The following LHFPL3 variants were observed in gnomAD, a reference collection of about 807,000 sequenced individuals.
The protein encoded by LHFPL3 is LHFPL tetraspan subfamily member 3 protein.
In LHFPL3, 5 loss-of-function variants were observed where a neutral mutation model predicts 19.3. The observed-to-expected ratio is 0.26, with a 90% CI of 0.14 to 0.54. The LOEUF is 0.54. Among genes scored for constraint, LHFPL3 ranks in the 20% least tolerant of loss-of-function variants. LHFPL3 has a pLI of 0.94. For synonymous variants in LHFPL3, 133 were observed against 126.2 expected, an observed-to-expected ratio of 1.05 and a Z score of -0.36; for missense variants, 249 against 307.4, an observed-to-expected ratio of 0.81 and a Z score of 1.42.
At chr7:104,527,068 C>T (rs990580471) in intron 1 of LHFPL3, among the ~76,000 whole-genome samples, 2 of 152,164 alleles carry the variant, frequency 1.3e-5, no homozygotes, top group Non-Finnish European at 2.9e-5. Flanking sequence ...GAAGTGAGAG[C>T]CACACAGAGG....
intron 2 of LHFPL3, among the ~76,000 whole-genome samples, chr7:104,851,432 T>G (rs889973325): frequency 1.3e-5 from 2 of 152,098 alleles, no homozygotes; most frequent in Non-Finnish European, 2.9e-5. Flanking sequence ...GAGTTGGAGA[T>G]TTAGTGATGC....
intron 1 of LHFPL3, among the ~76,000 whole-genome samples, chr7:104,423,578 T>C (rs532880460): frequency 3.3e-4 from 51 of 152,346 alleles, no homozygotes; most frequent in African/African-American, 1.2e-3. Context: ...GGAGGATCAC[T>C]TGAGCCCAGG....
At chr7:104,398,123 C>T (rs941156116) in intron 1 of LHFPL3, among the ~76,000 whole-genome samples, 1 of 151,116 alleles carries the variant, frequency 6.6e-6, no homozygotes, top group Non-Finnish European at 1.5e-5. Context: ...AGAAAGATCA[C>T]ACCTACGTAA....
chr7:104,658,555 C>T (rs988733828), intron 1 of LHFPL3, among the ~76,000 whole-genome samples: 2 of 152,184 alleles, frequency 1.3e-5, no homozygotes, highest in Non-Finnish European at 2.9e-5. Flanking sequence ...TAATCCAGCA[C>T]TTTGGGAGGC....
chr7:104,526,458 C>G (rs1794189845), intron 1 of LHFPL3, among the ~76,000 whole-genome samples: 1 of 152,192 alleles, frequency 6.6e-6, no homozygotes, highest in Non-Finnish European at 1.5e-5. Flanking sequence ...TCTGTAGTTA[C>G]AAATGGCAAA....
At chr7:104,553,262 A>C (rs1794694652) in intron 1 of LHFPL3, among the ~76,000 whole-genome samples, 1 of 152,152 alleles carries the variant, frequency 6.6e-6, no homozygotes. Flanking sequence ...CTTTGAATTG[A>C]AGCCAGGATT....
intron 2 of LHFPL3, among the ~76,000 whole-genome samples, chr7:104,751,269 C>T (rs1794165001): frequency 6.8e-6 from 1 of 147,214 alleles, no homozygotes. Context: ...ACCTTACAGG[C>T]TTTTTCATCG....
Position 104,587,124 on chromosome 7 carries a change from T to A in LHFPL3, c.446-149551T>A, listed in dbSNP as rs996781751. Among the ~76,000 whole-genome samples the A allele has an allele frequency of 3.8e-4, 58 of 152,230 alleles. 1 individual carries two copies. The highest frequency in any genetic ancestry group is 2.4e-4 in the Non-Finnish European group (16 of 68,036). On this transcript the variant is annotated intron_variant, in intron 1 of 2. Transcript: ENST00000424859. The stretch of plus-strand genomic sequence containing the variant: ...TTTATATTTTTATTTTATGTATTTA[T>A]GTATTTTTATTATACTTTAAGTTCT...
intron 1 of LHFPL3, among the ~76,000 whole-genome samples, chr7:104,345,095 A>G (rs1486808031): frequency 6.6e-6 from 1 of 152,178 alleles, no homozygotes; most frequent in East Asian, 1.9e-4. Context: ...TTGTTATAGA[A>G]TCATCTAGGC....
At chr7:104,348,471 A>G (rs565145835) in intron 1 of LHFPL3, among the ~76,000 whole-genome samples, 1 of 152,388 alleles carries the variant, frequency 6.6e-6, no homozygotes, top group African/African-American at 2.4e-5. Context: ...CATCTTGTGT[A>G]TATAAATATG....
intron 1 of LHFPL3, among the ~76,000 whole-genome samples, chr7:104,403,079 C>T (rs1305927779): frequency 1.4e-4 from 21 of 152,098 alleles, no homozygotes; most frequent in Admixed American, 5.2e-4. Flanking sequence ...CTAATGCATG[C>T]GGGGCTTAAA....
At position 104,842,699 on chromosome 7, in the gene LHFPL3, G is replaced by C. The variant is rs60977282; in HGVS notation, c.683-63488G>C. 6.4e-3 allele frequency among the ~76,000 whole-genome samples: 975 copies of C among 152,270 alleles called. 15 individuals are homozygous for C. The highest frequency in any genetic ancestry group is 0.023 in the African/African-American group (938 of 41,556). On this transcript the variant is annotated intron_variant, in intron 2 of 2. Coordinates refer to ENST00000424859, the MANE Select transcript of LHFPL3 (RefSeq NM_199000.3). ...GATAATGATTCCAAAGCAAGATAAT[G>C]ACTTATTTGAAATGATTTCCTTTGA...
chr7:104,339,012 C>T (rs190459637), intron 1 of LHFPL3, among the ~76,000 whole-genome samples: 2 of 152,276 alleles, frequency 1.3e-5, no homozygotes, highest in East Asian at 3.9e-4. Context: ...CTTTGGGAGG[C>T]CGAGGCGGGT....
chr7:104,517,504 G>C (rs1022828167), intron 1 of LHFPL3, among the ~76,000 whole-genome samples: 16 of 144,284 alleles, frequency 1.1e-4, no homozygotes, highest in African/African-American at 4.2e-4. Context: ...TAATTGATTG[G>C]CCTTTTTTTT....
chr7:104,716,828 T>C (rs1433879267), intron 1 of LHFPL3, among the ~76,000 whole-genome samples: 1 of 152,172 alleles, frequency 6.6e-6, no homozygotes, highest in South Asian at 2.1e-4. Context: ...AAACCACTTA[T>C]ACAATTCACA....
intron 1 of LHFPL3, among the ~76,000 whole-genome samples, chr7:104,502,724 C>A (rs936524256): frequency 6.6e-6 from 1 of 152,184 alleles, no homozygotes; most frequent in East Asian, 1.9e-4. Flanking sequence ...GCTTTCCCAG[C>A]CCTCACAACT....
At chr7:104,524,030 A>G (rs1562925249) in intron 1 of LHFPL3, among the ~76,000 whole-genome samples, 1 of 152,082 alleles carries the variant, frequency 6.6e-6, no homozygotes, top group Non-Finnish European at 1.5e-5. Context: ...AATATAATAG[A>G]ATCTTGACAG....
chr7:104,513,401 T>A (rs1793858998), intron 1 of LHFPL3, among the ~76,000 whole-genome samples: 1 of 152,190 alleles, frequency 6.6e-6, no homozygotes, highest in Non-Finnish European at 1.5e-5. Flanking sequence ...TGACCTATTG[T>A]GGAATCTGTG....
intron 1 of LHFPL3, among the ~76,000 whole-genome samples, chr7:104,588,452 T>C (rs973925432): frequency 5.9e-5 from 9 of 152,004 alleles, no homozygotes; most frequent in South Asian, 4.1e-4. Context: ...TTTCTGAGGG[T>C]TCTGTTCTGT....
Sources: gnomAD v4.1 joint callset for allele counts (sites outside exome capture counted in the v4.1 genomes callset) on GRCh38, gnomAD v4.1.1 for gene constraint, MANE v1.5 for transcripts, NCBI Gene and HGNC (gene_info 2026-07-23, HGNC 2026-07-21) for gene names.